HS3ST3A1: variants seen among roughly 807,000 people sequenced by gnomAD.
The protein encoded by HS3ST3A1 is heparan sulfate glucosamine 3-O-sulfotransferase 3A1.
A neutral mutation model predicts 25.7 loss-of-function variants in HS3ST3A1; 19 were observed. That is an observed-to-expected ratio of 0.74 (90% CI 0.52 to 1.08). HS3ST3A1 has a LOEUF of 1.08. Ranked by LOEUF, HS3ST3A1 falls within the 50% of genes least tolerant of loss-of-function variation. The pLI is 0.00. For synonymous variants in HS3ST3A1, 226 were observed against 278.6 expected, an observed-to-expected ratio of 0.81 and a Z score of 1.88; for missense variants, 459 against 594.3, an observed-to-expected ratio of 0.77 and a Z score of 2.37.
At chr17:13,584,094 G>A (rs575860071) in intron 1 of HS3ST3A1, among the ~76,000 whole-genome samples, 3 of 152,316 alleles carry the variant, frequency 2.0e-5, no homozygotes, top group Admixed American at 2.0e-4. Flanking sequence ...ACTGATGGAA[G>A]AATAGCCAAT....
At chr17:13,520,415 G>C (rs1028266339) in intron 1 of HS3ST3A1, among the ~76,000 whole-genome samples, 1 of 152,048 alleles carries the variant, frequency 6.6e-6, no homozygotes, top group South Asian at 2.1e-4. Flanking sequence ...CTGCACATTC[G>C]GATATTATAA....
intron 1 of HS3ST3A1, among the ~76,000 whole-genome samples, chr17:13,543,838 C>T (rs1907006626): frequency 6.6e-6 from 1 of 152,122 alleles, no homozygotes; most frequent in Admixed American, 6.5e-5. Flanking sequence ...GATTCCGAAG[C>T]ATCACAAAGA....
At position 13,495,131 on chromosome 17, in the gene HS3ST3A1, T is replaced by C. The variant is rs16940819; in HGVS notation, c.*1066A>G. 0.17 allele frequency among the ~76,000 whole-genome samples: 25,640 copies of C among 152,136 alleles called. 3,184 individuals are homozygous for C. The highest frequency in any genetic ancestry group is 0.35 in the African/African-American group (14,651 of 41,462). ...GAGACTCATACCTGTAAGTGCTAAT[T>C]GAAATCTGTTTCTTTTTTTTTTTTA... On this transcript the variant is annotated 3_prime_UTR_variant, in exon 2 of 2. Coordinates refer to ENST00000284110, the MANE Select transcript of HS3ST3A1 (RefSeq NM_006042.3).
chr17:13,533,386 C>T (rs571094695), intron 1 of HS3ST3A1, among the ~76,000 whole-genome samples: 1 of 151,900 alleles, frequency 6.6e-6, no homozygotes, highest in Non-Finnish European at 1.5e-5. Context: ...AAGGAAATGT[C>T]ATCGTCCTAA....
intron 1 of HS3ST3A1, among the ~76,000 whole-genome samples, chr17:13,583,028 T>C (rs551364900): frequency 7.9e-5 from 12 of 152,312 alleles, no homozygotes; most frequent in African/African-American, 2.6e-4. Context: ...TAGTGGTAAC[T>C]GAAAGGCAAT....
chr17:13,533,034 C>T (rs1310925402), intron 1 of HS3ST3A1, among the ~76,000 whole-genome samples: 1 of 151,972 alleles, frequency 6.6e-6, no homozygotes, highest in Non-Finnish European at 1.5e-5. Flanking sequence ...GTTCCATCAT[C>T]TTATCAAAAA....
At chr17:13,583,819 T>A (rs1307564976) in intron 1 of HS3ST3A1, among the ~76,000 whole-genome samples, 1 of 152,250 alleles carries the variant, frequency 6.6e-6, no homozygotes, top group East Asian at 1.9e-4. Context: ...GTGAACTAAA[T>A]GAGAAATTGA....
At chr17:13,517,094 G>A (rs1237552539) in intron 1 of HS3ST3A1, among the ~76,000 whole-genome samples, 2 of 152,122 alleles carry the variant, frequency 1.3e-5, no homozygotes, top group Non-Finnish European at 2.9e-5. Flanking sequence ...TTTTTCTGAG[G>A]GGAAAATTTG....
rs16948010 is a variant in HS3ST3A1 at position 13,494,290 on chromosome 17, T to C, written c.*1907A>G. Among the ~76,000 whole-genome samples the C allele has an allele frequency of 0.09, 13,688 of 152,150 alleles. 771 individuals are homozygous for C. Among genetic ancestry groups the C allele is most frequent in the East Asian group, 0.15 (756 of 5,162 alleles). On this transcript the variant is annotated 3_prime_UTR_variant, in exon 2 of 2. Coordinates refer to ENST00000284110, the MANE Select transcript of HS3ST3A1 (RefSeq NM_006042.3). ...ATTGAGAGCATAGACATGAAGGAAA[T>C]CAACTGAAAAAAGGTGACCTGGATT... is the stretch of plus-strand genomic sequence containing the variant.
intron 1 of HS3ST3A1, among the ~76,000 whole-genome samples, chr17:13,522,528 T>C (rs894234113): frequency 3.9e-5 from 6 of 152,032 alleles, no homozygotes; most frequent in Non-Finnish European, 8.8e-5. Context: ...GATTAGGGAG[T>C]CTATATGCTG....
At chr17:13,499,229 T>C (rs943854961) in intron 1 of HS3ST3A1, among the ~76,000 whole-genome samples, 5 of 152,168 alleles carry the variant, frequency 3.3e-5, no homozygotes, top group Non-Finnish European at 5.9e-5. Context: ...CATGAATGCA[T>C]AGAACTCATC....
intron 1 of HS3ST3A1, among the ~76,000 whole-genome samples, chr17:13,551,452 T>A (rs1907241499): frequency 1.3e-5 from 2 of 148,306 alleles, no homozygotes; most frequent in African/African-American, 2.5e-5. Context: ...CTGACAGAGG[T>A]TTCCAACACT....
At chr17:13,569,659 C>A (rs144171116) in intron 1 of HS3ST3A1, among the ~76,000 whole-genome samples, 67 of 152,202 alleles carry the variant, frequency 4.4e-4, no homozygotes, top group African/African-American at 1.6e-3. Context: ...ATTTTTCAGG[C>A]GTTCATTTTT....
chr17:13,568,158 A>G (rs540136827), intron 1 of HS3ST3A1, among the ~76,000 whole-genome samples: 1 of 152,358 alleles, frequency 6.6e-6, no homozygotes, highest in African/African-American at 2.4e-5. Flanking sequence ...CTTTCTCAGC[A>G]AAAAGATTAC....
chr17:13,560,964 G>A (rs963616763), intron 1 of HS3ST3A1, among the ~76,000 whole-genome samples: 1 of 152,172 alleles, frequency 6.6e-6, no homozygotes, highest in Admixed American at 6.5e-5. Flanking sequence ...TATGGGAGAG[G>A]TGGGCACAGA....
chr17:13,586,089 C>T (rs1908258741), intron 1 of HS3ST3A1, among the ~76,000 whole-genome samples: 1 of 151,806 alleles, frequency 6.6e-6, no homozygotes, highest in African/African-American at 2.4e-5. Flanking sequence ...CCTCATGATC[C>T]GCCCGCCTCA....
At chr17:13,580,115 C>T (rs1246447020) in intron 1 of HS3ST3A1, among the ~76,000 whole-genome samples, 3 of 151,984 alleles carry the variant, frequency 2.0e-5, no homozygotes, top group Admixed American at 6.6e-5. Flanking sequence ...GTCTGTTGTG[C>T]TATAATGCCA....
chr17:13,593,664 C>G (rs562936739), intron 1 of HS3ST3A1, among the ~76,000 whole-genome samples: 3 of 152,192 alleles, frequency 2.0e-5, no homozygotes, highest in Non-Finnish European at 4.4e-5. Context: ...AGCCCTCATC[C>G]TTCAACGCCT....
intron 1 of HS3ST3A1, among the ~76,000 whole-genome samples, chr17:13,512,754 A>C (rs1905919424): frequency 6.6e-6 from 1 of 152,092 alleles, no homozygotes; most frequent in South Asian, 2.1e-4. Flanking sequence ...TGTTGAAATT[A>C]AGGGATAAAA....
Sources: allele counts gnomAD v4.1 joint callset (sites outside exome capture counted in the v4.1 genomes callset), GRCh38; gene constraint gnomAD v4.1.1; transcripts MANE v1.5; gene names NCBI Gene and HGNC (gene_info 2026-07-23, HGNC 2026-07-21).